Variants in NUP155 observed in about 807,000 individuals in gnomAD.
NUP155 encodes nuclear pore complex protein Nup155.
In NUP155, 71 loss-of-function variants were observed where a neutral mutation model predicts 180.4. The observed-to-expected ratio is 0.39, with a 90% CI of 0.33 to 0.48. The LOEUF (loss-of-function observed/expected upper bound fraction) is 0.48, where lower values mean the gene tolerates loss of function less well. Among genes scored for constraint, NUP155 ranks in the 20% least tolerant of loss-of-function variants. The probability of loss-of-function intolerance (pLI) is 0.91; values close to 1 mark genes in which losing one functional copy is unlikely to be tolerated. For synonymous variants in NUP155, 582 were observed against 559.5 expected, an observed-to-expected ratio of 1.04 and a Z score of -0.57; for missense variants, 1,553 against 1,648.9, an observed-to-expected ratio of 0.94 and a Z score of 1.01.
chr5:37,307,449 G>C lies in NUP155; in HGVS notation c.2768-17C>G, dbSNP rs1222422163. 1 of 1,613,280 alleles carries C rather than the reference G, an allele frequency of 6.2e-7. No homozygotes were observed. The highest frequency in any genetic ancestry group is 8.5e-7 in the Non-Finnish European group (1 of 1,179,478). On this transcript the variant is annotated splice_polypyrimidine_tract_variant and intron_variant, in intron 24 of 34. Coordinates refer to ENST00000231498, the MANE Select transcript of NUP155 (RefSeq NM_153485.3). The stretch of plus-strand genomic sequence containing the variant: ...AAAATCTCACTGATGGGAAAGAAAA[G>C]AATGAAGACCTATGACTTACTACTA...
At chr5:37,303,056 C>G in intron 28 of NUP155, 148 bp from the exon 29 acceptor site, 4 of 1,083,852 alleles carry the variant, frequency 3.7e-6, no homozygotes, top group Non-Finnish European at 4.0e-6. Flanking sequence ...AAAAAAAAAT[C>G]TATTTTAGAT....
In NUP155 at chr5:37,301,329, T is replaced by C. The variant is rs1005848143; in HGVS notation, c.3561+108A>G. 6 of 701,838 alleles carry C rather than the reference T, an allele frequency of 8.5e-6. No homozygotes were observed. In the African/African-American group the frequency reaches 8.9e-5, roughly 10 times the overall value. 43.5% of individuals were successfully genotyped at this position (701,838 alleles called of 1,614,324 possible). On this transcript the variant is annotated intron_variant, in intron 30 of 34. Transcript: ENST00000231498. ...AAGCTGCCAAAGATGCCTTATCTTA[T>C]TTGTGGAGATAAGGTAATTTTCCCC...
intron 30 of NUP155, among the ~76,000 whole-genome samples, chr5:37,300,659 GT>G (rs374899115): frequency 6.6e-6 from 1 of 151,016 alleles, no homozygotes; most frequent in Non-Finnish European, 1.5e-5. Context: ...TGGTTTTTTA[GT>G]TTTTTTTTCT....
chr5:37,356,786 C>T (rs1746857233), intron 4 of NUP155, among the ~76,000 whole-genome samples: 2 of 152,296 alleles, frequency 1.3e-5, no homozygotes, highest in Middle Eastern at 3.4e-3. Context: ...AAGATTTACT[C>T]TAAACTCTGT....
At position 37,371,047 on chromosome 5, in the gene NUP155, A is replaced by G. The variant is rs1747938688; in HGVS notation, c.-70T>C. On this transcript the variant is annotated 5_prime_UTR_variant, in exon 1 of 35. Transcript: ENST00000231498. ...AGGAGAAACAAGAAAAGATCCAAGA[A>G]GTTAGCTTAGATCCGCCGCCTAGGG... 1 of 1,552,100 alleles carries G rather than the reference A, an allele frequency of 6.4e-7. No individual in the cohort carries two copies. Among genetic ancestry groups the G allele is most frequent in the Non-Finnish European group, 8.8e-7 (1 of 1,133,434 alleles).
rs61756069 is a variant in NUP155 at position 37,328,393 on chromosome 5, T to C, written c.1841A>G (p.Tyr614Cys). The C allele has an allele frequency of 1.7e-4, 280 of 1,609,422 alleles. 1 individual carries two copies. The African/African-American group carries it at 3.3e-3, about 19-fold the overall frequency. ...SSSPVPSGSP[Y>C]PNPSFLGTPS... ...TGTTCCCAAAAAGGATGGATTTGGA[T>C]AGGGACTACCACTAGGAACAGGAGA... The change falls in exon 17 of 35, where the codon TAT becomes TGT. Residue 614 changes from tyrosine to cysteine, a missense_variant. Tyr to Cys is a radical substitution (Grantham distance 194). Transcript: ENST00000231498.
intron 1 of NUP155, among the ~76,000 whole-genome samples, chr5:37,370,308 G>A (rs1278004086): frequency 6.6e-6 from 1 of 152,196 alleles, no homozygotes; most frequent in Non-Finnish European, 1.5e-5. Context: ...GGAGGCGGAG[G>A]TTGCAATGAG....
intron 9 of NUP155, among the ~76,000 whole-genome samples, chr5:37,344,267 C>A (rs1263996399): frequency 6.7e-6 from 1 of 149,518 alleles, no homozygotes; most frequent in Non-Finnish European, 1.5e-5. Flanking sequence ...CACTGGAACT[C>A]GGAGGCAGAG....
At position 37,308,421 on chromosome 5, in the gene NUP155, G is replaced by A. The variant is rs78605037; in HGVS notation, c.2767+708C>T. Among the ~76,000 whole-genome samples, 1,431 of 152,116 alleles carry A rather than the reference G, an allele frequency of 9.4e-3. 20 individuals are homozygous for A. The highest frequency in any genetic ancestry group is 0.032 in the African/African-American group (1,310 of 41,482). Reference sequence around the variant, plus strand: ...TACAAAAATTAGCTGGGCAATGGCCGGGCGCGGTGGCTCACACCTGTAATC... The same window carrying A: ...TACAAAAATTAGCTGGGCAATGGCCAGGCGCGGTGGCTCACACCTGTAATC... On this transcript the variant is annotated intron_variant, in intron 24 of 34. Transcript: ENST00000231498.
rs1418971216 is a variant in NUP155 at position 37,304,892 on chromosome 5, G to C, written c.3058-49C>G. 3 of 1,542,124 alleles carry C rather than the reference G, an allele frequency of 1.9e-6. No homozygotes were observed. The Admixed American group carries it at 5.0e-5, about 26-fold the overall frequency. On this transcript the variant is annotated intron_variant, in intron 26 of 34. Transcript: ENST00000231498. ...ATTAGCAGTTAAAGGCTCTGTTTCT[G>C]GGCATCACAACCCTTTAGCCCTATA...
intron 24 of NUP155, among the ~76,000 whole-genome samples, chr5:37,308,874 T>C (rs1198150066): frequency 1.0e-4 from 4 of 39,758 alleles, no homozygotes; most frequent in African/African-American, 6.8e-4. Flanking sequence ...AGCGAGACTC[T>C]CAAAAAAAAA....
intron 15 of NUP155, 132 bp downstream of exon 15, chr5:37,329,905 TG>T: frequency 1.5e-6 from 1 of 682,892 alleles, no homozygotes; most frequent in Non-Finnish European, 2.7e-6. Flanking sequence ...TTCACCCTTT[TG>T]CAAATGAATT....
At chr5:37,296,920 T>C (rs1421549321) in intron 32 of NUP155, among the ~76,000 whole-genome samples, 2 of 152,222 alleles carry the variant, frequency 1.3e-5, no homozygotes, top group South Asian at 2.1e-4. Flanking sequence ...TTCGCACCTA[T>C]AATCCCAGCA....
intron 30 of NUP155, 148 bp downstream of exon 30, chr5:37,301,289 T>C: frequency 1.6e-6 from 1 of 614,646 alleles, no homozygotes. Context: ...AGTGGTGATC[T>C]GTCAGCCCAG....
Position 37,302,909 on chromosome 5 carries a change from C to T in NUP155, c.3318-1G>A. On this transcript the variant is annotated splice_acceptor_variant, in intron 28 of 34. Coordinates refer to ENST00000231498, the MANE Select transcript of NUP155 (RefSeq NM_153485.3). LOFTEE classifies it high-confidence loss of function. ...TCGCTGCTGAAGTGAAATTTCTGTG[C>T]TAGAAGGGAAAACGCTTATTTTTAG... 1 of 1,613,430 alleles carries T rather than the reference C, an allele frequency of 6.2e-7. No homozygotes were observed. Among genetic ancestry groups the T allele is most frequent in the Non-Finnish European group, 8.5e-7 (1 of 1,179,696 alleles).
chr5:37,299,385 C>A, intron 31 of NUP155, 63 bp downstream of exon 31: 1 of 1,589,172 alleles, frequency 6.3e-7, no homozygotes, highest in Non-Finnish European at 8.6e-7. Flanking sequence ...TTACTAGCAG[C>A]TTGCATTCCT....
chr5:37,302,194 C>T (rs1742898273), intron 29 of NUP155, among the ~76,000 whole-genome samples: 1 of 152,122 alleles, frequency 6.6e-6, no homozygotes, highest in Non-Finnish European at 1.5e-5. Context: ...GTGATGTAAT[C>T]CACTTGCTGT....
intron 20 of NUP155, 68 bp downstream of exon 20, chr5:37,323,924 G>T: frequency 9.0e-7 from 1 of 1,105,748 alleles, no homozygotes; most frequent in Non-Finnish European, 1.4e-6. Flanking sequence ...TTTGTAGTAT[G>T]TAAATCATCT....
intron 30 of NUP155, among the ~76,000 whole-genome samples, chr5:37,300,247 G>A (rs1438671005): frequency 6.6e-6 from 1 of 152,168 alleles, no homozygotes; most frequent in Non-Finnish European, 1.5e-5. Context: ...AGCATGTCAT[G>A]GAGAATGTCT....
Sources: gnomAD v4.1 joint callset for allele counts (sites outside exome capture counted in the v4.1 genomes callset) on GRCh38, gnomAD v4.1.1 for gene constraint, MANE v1.5 for transcripts, NCBI Gene and HGNC (gene_info 2026-07-23, HGNC 2026-07-21) for gene names.